MDM1: variants seen among roughly 807,000 people sequenced by gnomAD.
MDM1 encodes the protein Mdm1 nuclear protein.
A neutral mutation model predicts 89.1 loss-of-function variants in MDM1; 61 were observed. The observed-to-expected ratio is 0.68, with a 90% CI of 0.56 to 0.85. MDM1 has a LOEUF of 0.85. Ranked by LOEUF, MDM1 falls within the 40% of genes least tolerant of loss-of-function variation. MDM1 has a pLI of 0.00. For missense variants in MDM1, 820 were observed against 846.5 expected, an observed-to-expected ratio of 0.97 and a Z score of 0.39; for synonymous variants, 290 against 294.1, an observed-to-expected ratio of 0.99 and a Z score of 0.14.
Position 68,332,269 on chromosome 12 carries a change from C to T in MDM1, c.-24G>A, listed in dbSNP as rs185172304. The T allele has an allele frequency of 1.8e-4, 282 of 1,582,174 alleles. No homozygotes were observed. The African/African-American group carries it at 3.5e-3, about 19-fold the overall frequency. ...ATGTCGCCCGGCGCCGGAGCCCCCG[C>T]TACTCCGACAGTTAACTGGAGAAAA... On this transcript the variant is annotated 5_prime_UTR_variant, in exon 1 of 15. Transcript: ENST00000682720.
rs55693165 is a variant in MDM1 at position 68,314,968 on chromosome 12, C to A, written c.1509G>T (p.Lys503Asn). Reference protein sequence around the residue: ...QEKLDVREKSKADKMKEGSDS... With the variant: ...QEKLDVREKSNADKMKEGSDS... ...CTCACCCTTCTTTCATCTTATCTGCCTTAGATTTCTCACGTACATCCAACT... is the reference window on the plus strand; with the variant it reads ...CTCACCCTTCTTTCATCTTATCTGCATTAGATTTCTCACGTACATCCAACT... The change falls in exon 10 of 15, where the codon AAG (lysine) becomes AAT (asparagine). Residue 503 changes from lysine (K) to asparagine (N), a missense_variant. Lys to Asn is a moderately conservative substitution (Grantham distance 94). Coordinates refer to ENST00000682720, the MANE Select transcript of MDM1 (RefSeq NM_001354969.2). 1 of 1,613,912 alleles carries A rather than the reference C, an allele frequency of 6.2e-7. No homozygotes were observed. Among genetic ancestry groups the A allele is most frequent in the South Asian group, 1.1e-5 (1 of 91,078 alleles).
At chr12:68,309,087 T>C (rs993597449) in intron 12 of MDM1, among the ~76,000 whole-genome samples, 6 of 152,190 alleles carry the variant, frequency 3.9e-5, no homozygotes, top group Non-Finnish European at 7.3e-5. Context: ...CATATATCCA[T>C]CACAATTCCC....
At position 68,323,212 on chromosome 12, in the gene MDM1, G is replaced by A; in HGVS notation, c.662C>T (p.Pro221Leu). ...QVFHNKSQFV[P>L]PFKGNSVIHE... ...GATGACTGAGTTACCTTTGAATGGT[G>A]GAACAAACTGGCTTTTATTGTGGAA... Residue 221 changes from proline to leucine, a missense_variant, in exon 5 of 15, where the codon CCA (proline) becomes CTA (leucine). Physicochemically the swap from Pro to Leu is moderately conservative, Grantham distance 98. Transcript: ENST00000682720. The A allele has an allele frequency of 6.3e-7, 1 of 1,584,314 alleles. No homozygotes were observed. The highest frequency in any genetic ancestry group is 8.5e-7 in the Non-Finnish European group (1 of 1,170,546).
chr12:68,295,659 A>C (rs893462402), intron 14 of MDM1, among the ~76,000 whole-genome samples: 7 of 152,198 alleles, frequency 4.6e-5, no homozygotes, highest in African/African-American at 1.7e-4. Flanking sequence ...CTATGATTTC[A>C]GTATTACTTG....
chr12:68,311,927 G>A (rs2120932894), intron 12 of MDM1, among the ~76,000 whole-genome samples: 1 of 152,210 alleles, frequency 6.6e-6, no homozygotes, highest in Non-Finnish European at 1.5e-5. Context: ...AATCTGATAA[G>A]CAATTGTCCT....
chr12:68,324,195 G>A (rs1309110773), intron 4 of MDM1, among the ~76,000 whole-genome samples: 1 of 151,980 alleles, frequency 6.6e-6, no homozygotes, highest in African/African-American at 2.4e-5. Flanking sequence ...TAAAAGTAAC[G>A]TTTCTACACA....
At chr12:68,302,592 G>C (rs928574146) in intron 13 of MDM1, 28 bp downstream of exon 13, 10 of 1,582,190 alleles carry the variant, frequency 6.3e-6, no homozygotes, top group Non-Finnish European at 6.9e-6. Context: ...TATTTTAAAA[G>C]ACAAAAAATT....
chr12:68,302,743 T>C lies in MDM1; in HGVS notation c.1879A>G (p.Lys627Glu), dbSNP rs1315024254. The C allele has an allele frequency of 1.2e-6, 2 of 1,614,006 alleles. No individual in the cohort carries two copies. Among genetic ancestry groups the C allele is most frequent in the Non-Finnish European group, 1.7e-6 (2 of 1,180,030 alleles). The change falls in exon 13 of 15, where the codon AAA (lysine) becomes GAA (glutamate). Residue 627 changes from lysine to glutamate, a missense_variant. Coordinates refer to ENST00000682720, the MANE Select transcript of MDM1 (RefSeq NM_001354969.2). ...GGATTTGTTGGGTATTTTGGAATTT[T>C]TGAAACTGGAAGAGTTGCCTCAGCA... ...KFAEATLPVS[K>E]IPKYPTNPPG...
At chr12:68,309,623 T>G (rs1214304118) in intron 12 of MDM1, among the ~76,000 whole-genome samples, 1 of 152,234 alleles carries the variant, frequency 6.6e-6, no homozygotes. Context: ...ATATAAAGAT[T>G]TGAAAATGTT....
intron 13 of MDM1, among the ~76,000 whole-genome samples, chr12:68,302,165 C>G (rs1872251873): frequency 6.6e-6 from 1 of 152,156 alleles, no homozygotes; most frequent in African/African-American, 2.4e-5. Context: ...AAAGAAAACA[C>G]CACACATAGA....
intron 10 of MDM1, 75 bp downstream of exon 10, chr12:68,314,873 A>G: frequency 8.0e-7 from 1 of 1,251,022 alleles, no homozygotes; most frequent in South Asian, 1.4e-5. Flanking sequence ...AGAGTAAACC[A>G]CTATATTTAG....
chr12:68,316,383 A>T, intron 8 of MDM1, 130 bp from the exon 9 acceptor site: 1 of 1,055,452 alleles, frequency 9.5e-7, no homozygotes, highest in Non-Finnish European at 1.3e-6. Flanking sequence ...AATTAGCCAC[A>T]TACAGTCATC....
intron 7 of MDM1, among the ~76,000 whole-genome samples, chr12:68,319,455 T>C (rs1036063915): frequency 2.0e-5 from 3 of 152,154 alleles, no homozygotes; most frequent in African/African-American, 7.2e-5. Context: ...TATGTCTGAG[T>C]GCATGTGAGG....
intron 12 of MDM1, among the ~76,000 whole-genome samples, chr12:68,309,959 C>T (rs959873903): frequency 1.1e-4 from 17 of 152,120 alleles, no homozygotes; most frequent in African/African-American, 3.9e-4. Context: ...AACTTGTGTA[C>T]GTATGTACAT....
intron 4 of MDM1, 80 bp from the exon 5 acceptor site, chr12:68,323,320 A>C (rs1875495074): frequency 1.9e-6 from 2 of 1,033,624 alleles, no homozygotes; most frequent in African/African-American, 1.7e-5. Flanking sequence ...AACAAAACAT[A>C]AAGTTGAATT....
chr12:68,331,282 C>T (rs1876777701), intron 1 of MDM1, 61 bp from the exon 2 acceptor site: 2 of 960,570 alleles, frequency 2.1e-6, no homozygotes, highest in East Asian at 2.4e-5. Context: ...TTAAAGCAGA[C>T]ATCGGTGAAA....
At chr12:68,311,435 A>G (rs891648000) in intron 12 of MDM1, among the ~76,000 whole-genome samples, 2 of 152,136 alleles carry the variant, frequency 1.3e-5, no homozygotes, top group African/African-American at 4.8e-5. Context: ...ATCTTTCTTC[A>G]CATGTCACCA....
In MDM1 at chr12:68,301,262, C is replaced by T. The variant is rs143439843; in HGVS notation, c.2002+1358G>A. Among the ~76,000 whole-genome samples, 265 of 152,282 alleles carry T rather than the reference C, an allele frequency of 1.7e-3. 2 individuals carry two copies. Among genetic ancestry groups the T allele is most frequent in the Middle Eastern group, 6.8e-3 (2 of 294 alleles). On this transcript the variant is annotated intron_variant, in intron 13 of 14. Transcript: ENST00000682720. ...AGGAACTAGAGAAACAGGAACACCA[C>T]GGAATACTAATCCTCCATTAAAAGG...
At chr12:68,304,251 T>TA (rs146956734) in intron 12 of MDM1, among the ~76,000 whole-genome samples, 9,375 of 151,086 alleles carry the variant, frequency 0.062, 334 homozygotes, top group Middle Eastern at 0.12. Flanking sequence ...TCTATTTATT[T>TA]AAAAAAAAAA....
Sources: allele counts gnomAD v4.1 joint callset (sites outside exome capture counted in the v4.1 genomes callset), GRCh38; gene constraint gnomAD v4.1.1; transcripts MANE v1.5; gene names NCBI Gene and HGNC (gene_info 2026-07-23, HGNC 2026-07-21).